ABLIM3: variants seen among roughly 807,000 people sequenced by gnomAD.
ABLIM3 encodes actin-binding LIM protein 3.
In ABLIM3, 61 loss-of-function variants were observed where a neutral mutation model predicts 109.5. The ratio of observed to expected loss-of-function variants is 0.56; its 90% CI spans 0.45 to 0.69. ABLIM3 has a LOEUF of 0.69. ABLIM3 is among the 30% of genes least tolerant of loss of function. The pLI, the probability that ABLIM3 is intolerant of heterozygous loss-of-function variation, is 0.00. For missense variants in ABLIM3, 796 were observed against 889.5 expected (o/e 0.89, Z 1.34); for synonymous variants, 300 against 324.8 (o/e 0.92, Z 0.82).
chr5:149,242,656 C>T, intron 15 of ABLIM3, 118 bp downstream of exon 15: 1 of 1,122,650 alleles, frequency 8.9e-7, no homozygotes, highest in Non-Finnish European at 1.4e-6. Context: ...GCATCTTGGT[C>T]CTTCTTGTTG....
intron 10 of ABLIM3, among the ~76,000 whole-genome samples, chr5:149,234,132 G>C (rs927218967): frequency 3.3e-5 from 5 of 152,256 alleles, no homozygotes; most frequent in African/African-American, 1.2e-4. Context: ...AAAAGCACAG[G>C]GTCCTCTGAT....
chr5:149,219,029 G>A (rs114653340), intron 8 of ABLIM3: 4,429 of 152,354 alleles, frequency 0.029, 94 homozygotes, highest in African/African-American at 0.062. Context: ...AGCAGTTACA[G>A]GGAGTGTGTC....
In ABLIM3 at chr5:149,142,251, C is replaced by T. The variant is rs1228460476; in HGVS notation, c.13+143C>T. ...CCCCAGGCTCTTTTTTGGTGCTTTC[C>T]GTGCTCCTTGGCAGAGGGATAGCTT... On this transcript the variant is annotated intron_variant, in intron 2 of 23. Transcript: ENST00000309868. The T allele has an allele frequency of 1.4e-5, 17 of 1,191,942 alleles. No homozygotes were observed. The Admixed American group carries it at 2.2e-4, about 15-fold the overall frequency. 73.8% of individuals were successfully genotyped at this position (1,191,942 alleles called of 1,614,324 possible).
At chr5:149,200,704 GATCTTATGTCCCATGGA>G (rs1457315885) in intron 5 of ABLIM3, 7 of 467,890 alleles carry the variant, frequency 1.5e-5, no homozygotes, top group Non-Finnish European at 2.7e-5. Context: ...CTGAGTTCCT[GATCTTATGTCCCATGGA>G]CGCCTCAATA....
intron 10 of ABLIM3, among the ~76,000 whole-genome samples, chr5:149,236,103 C>A (rs1321729219): frequency 6.6e-6 from 1 of 152,082 alleles, no homozygotes; most frequent in East Asian, 1.9e-4. Flanking sequence ...TTGGCTAAAC[C>A]CAACTGAAAG....
At chr5:149,221,473 A>G (rs1029357829) in intron 8 of ABLIM3, among the ~76,000 whole-genome samples, 4 of 152,130 alleles carry the variant, frequency 2.6e-5, no homozygotes, top group African/African-American at 9.7e-5. Flanking sequence ...TTGTGTTTTA[A>G]TTGCTATGTG....
At position 149,240,759 on chromosome 5, in the gene ABLIM3, C is replaced by T. The variant is rs143929547; in HGVS notation, c.1288C>T (p.His430Tyr). 8.7e-6 allele frequency: 14 copies of T among 1,614,030 alleles called. No homozygotes were observed. The highest frequency in any genetic ancestry group is 1.2e-5 in the Non-Finnish European group (14 of 1,180,032). Residue 430 changes from histidine (H) to tyrosine (Y), a missense_variant, in exon 14 of 24, where the codon CAC (histidine) becomes TAC (tyrosine). Physicochemically the swap from His to Tyr is moderately conservative, Grantham distance 83. Transcript: ENST00000309868. Reference sequence around the variant, plus strand: ...TCCAACCTCTTACCAGGCTCCCAAGCACTTTCACATCCCAGGTAGGCACTG... The same window carrying T: ...TCCAACCTCTTACCAGGCTCCCAAGTACTTTCACATCCCAGGTAGGCACTG... ...STPTSYQAPK[H>Y]FHIPAGDSNI...
intron 10 of ABLIM3, among the ~76,000 whole-genome samples, chr5:149,233,926 G>T (rs1581199516): frequency 6.6e-6 from 1 of 152,298 alleles, no homozygotes; most frequent in African/African-American, 2.4e-5. Flanking sequence ...GACAGAAGTT[G>T]AGTTCAATGA....
At chr5:149,225,992 A>G (rs1476506790) in intron 8 of ABLIM3, among the ~76,000 whole-genome samples, 1,401 of 23,632 alleles carry the variant, frequency 0.059, 6 homozygotes, top group African/African-American at 0.1. Context: ...GTATATATAT[A>G]TATATATATA....
At chr5:149,241,531 C>A (rs567965735) in intron 14 of ABLIM3, among the ~76,000 whole-genome samples, 1 of 152,120 alleles carries the variant, frequency 6.6e-6, no homozygotes, top group African/African-American at 2.4e-5. Context: ...GAGGCCGAGG[C>A]GTGTGGGTCA....
chr5:149,245,758 T>A (rs1183295857), intron 16 of ABLIM3, among the ~76,000 whole-genome samples: 1 of 152,142 alleles, frequency 6.6e-6, no homozygotes, highest in Non-Finnish European at 1.5e-5. Flanking sequence ...CAACCCAAGC[T>A]GTTCCTTTCA....
At chr5:149,143,684 T>C (rs1752686544) in intron 2 of ABLIM3, among the ~76,000 whole-genome samples, 2 of 152,226 alleles carry the variant, frequency 1.3e-5, no homozygotes, top group African/African-American at 4.8e-5. Flanking sequence ...GGACTCCCTC[T>C]GCCTCTTACA....
intron 14 of ABLIM3, among the ~76,000 whole-genome samples, chr5:149,241,086 G>A (rs1380334768): frequency 1.3e-5 from 2 of 152,242 alleles, no homozygotes; most frequent in African/African-American, 2.4e-5. Flanking sequence ...ACACAGCGGT[G>A]AAGGCTACAC....
intron 10 of ABLIM3, among the ~76,000 whole-genome samples, chr5:149,235,428 G>T (rs1762252803): frequency 6.6e-6 from 1 of 152,200 alleles, no homozygotes; most frequent in African/African-American, 2.4e-5. Context: ...ATCTTCAGGT[G>T]GTTTGGCTTT....
chr5:149,242,695 G>A, intron 15 of ABLIM3, 157 bp downstream of exon 15: 1 of 758,324 alleles, frequency 1.3e-6, no homozygotes, highest in Non-Finnish European at 2.3e-6. Flanking sequence ...GTGACATTAG[G>A]GCAGAGTTTG....
intron 4 of ABLIM3, chr5:149,199,247 C>A: frequency 2.6e-6 from 1 of 388,312 alleles, no homozygotes; most frequent in South Asian, 2.0e-5. Context: ...ATAAGTAAAG[C>A]ATGATTAGAG....
intron 6 of ABLIM3, among the ~76,000 whole-genome samples, chr5:149,207,762 C>T (rs1327292696): frequency 1.3e-5 from 2 of 152,192 alleles, no homozygotes; most frequent in Non-Finnish European, 2.9e-5. Flanking sequence ...ACCTGACCCA[C>T]AGTCAATAAT....
chr5:149,183,549 G>A lies in ABLIM3; in HGVS notation c.111G>A (p.Val37=). The change falls in exon 3 of 24, where the codon GTG becomes GTA. Residue 37 remains valine, a synonymous_variant. Coordinates refer to ENST00000309868, the MANE Select transcript of ABLIM3 (RefSeq NM_014945.5). ...CCTGCAAAGGGGAAGTGGTCCGCGT[G>A]CACAACAACCACTTCCACATCAGAT... ...GDTCKGEVVR[V]HNNHFHIRCF... 5 of 1,591,246 alleles carry A rather than the reference G, an allele frequency of 3.1e-6. No individual in the cohort carries two copies. Among genetic ancestry groups the A allele is most frequent in the Non-Finnish European group, 4.3e-6 (5 of 1,169,712 alleles).
At chr5:149,174,449 C>T (rs1393859218) in intron 2 of ABLIM3, 1 of 152,178 alleles carries the variant, frequency 6.6e-6, no homozygotes, top group East Asian at 1.9e-4. Flanking sequence ...ATGTTGTGTA[C>T]ATATTAAAAC....
Sources: gnomAD v4.1 joint callset for allele counts (sites outside exome capture counted in the v4.1 genomes callset) on GRCh38, gnomAD v4.1.1 for gene constraint, MANE v1.5 for transcripts, NCBI Gene and HGNC (gene_info 2026-07-23, HGNC 2026-07-21) for gene names.